Variants in DSE observed in about 807,000 individuals in gnomAD.
DSE encodes the protein dermatan sulfate epimerase.
Under a neutral mutation model 84.4 loss-of-function variants are expected in DSE, and 36 were observed. The observed-to-expected ratio is 0.43, with a 90% CI of 0.33 to 0.56. The LOEUF is 0.56. Among genes scored for constraint, DSE ranks in the 20% least tolerant of loss-of-function variants. The pLI is 0.06. For missense variants in DSE, 862 were observed against 1,169.6 expected (o/e 0.74, Z 3.84); for synonymous variants, 410 against 430.1 (o/e 0.95, Z 0.58).
chr6:116,275,289 GCT>G (rs1236859297), intron 2 of DSE, among the ~76,000 whole-genome samples: 1 of 152,182 alleles, frequency 6.6e-6, no homozygotes, highest in African/African-American at 2.4e-5. Flanking sequence ...ATTAAGTAGT[GCT>G]CTGTTAAAAT....
chr6:116,410,733 C>CAAAAAAAAAAAAAAAAAAAACAAA (rs1782285778), intron 2 of DSE, among the ~76,000 whole-genome samples: 1 of 79,616 alleles, frequency 1.3e-5, no homozygotes. Context: ...GACTCTGTCT[C>CAAAAAAAAAAAAAAAAAAAACAAA]AAAAAAAAAA....
chr6:116,277,908 C>CAAAAA lies in DSE; in HGVS notation c.-54+18963_-54+18967dup, dbSNP rs57691187. 109 of 57,350 alleles carry CAAAAA rather than the reference C, an allele frequency of 1.9e-3. 1 individual carries two copies. The highest frequency in any genetic ancestry group is 5.6e-3 in the African/African-American group (100 of 17,766). 3.6% of individuals were successfully genotyped at this position (57,350 alleles called of 1,614,324 possible). A position where few individuals can be genotyped will look rare whatever the true frequency, so the allele number is the denominator to read the frequency against. Reference sequence around the variant, plus strand: ...CAGAGCAAGACTCCGTCCTCCGTCTCAAAAAAAAAAAAAAAAAAAAAAAAA... The same window carrying CAAAAA: ...CAGAGCAAGACTCCGTCCTCCGTCTCAAAAAAAAAAAAAAAAAAAAAAAAAAAAAA... On this transcript the variant is annotated intron_variant, in intron 2 of 3. Transcript: ENST00000430252.
chr6:116,274,765 C>A (rs1773047347), intron 2 of DSE, among the ~76,000 whole-genome samples: 1 of 152,136 alleles, frequency 6.6e-6, no homozygotes, highest in African/African-American at 2.4e-5. Flanking sequence ...AAGAACAGTT[C>A]ATTAAAGAAA....
chr6:116,375,509 C>G, intron 1 of DSE: 1 of 984,738 alleles, frequency 1.0e-6, no homozygotes, highest in South Asian at 4.7e-5. Flanking sequence ...GCCTCAAAGT[C>G]TTTTTTATGT....
intron 2 of DSE, among the ~76,000 whole-genome samples, chr6:116,313,299 C>T (rs73767736): frequency 0.046 from 6,934 of 152,230 alleles, 270 homozygotes; most frequent in African/African-American, 0.1. Context: ...AACTGTGAGA[C>T]AATAAATTCC....
intron 2 of DSE, among the ~76,000 whole-genome samples, chr6:116,322,287 T>A (rs1776376021): frequency 6.6e-6 from 1 of 152,212 alleles, no homozygotes; most frequent in Non-Finnish European, 1.5e-5. Flanking sequence ...GGCGCCGGGC[T>A]GTCTGCTTGT....
At chr6:116,376,521 C>T (rs1401503384) in intron 1 of DSE, among the ~76,000 whole-genome samples, 1 of 152,158 alleles carries the variant, frequency 6.6e-6, no homozygotes, top group African/African-American at 2.4e-5. Flanking sequence ...CTGTTTATTT[C>T]TTGAATGGAG....
At chr6:116,375,585 T>A in intron 1 of DSE, 2 of 981,524 alleles carry the variant, frequency 2.0e-6, no homozygotes, top group Non-Finnish European at 2.4e-6. Context: ...CTTCTAGTTA[T>A]GTATAGAAGA....
chr6:116,274,681 A>T (rs1337350287), intron 2 of DSE, among the ~76,000 whole-genome samples: 2 of 152,232 alleles, frequency 1.3e-5, no homozygotes, highest in Non-Finnish European at 2.9e-5. Context: ...TTTGGCATCA[A>T]AATCTACCCT....
chr6:116,302,409 T>C (rs1018894844), intron 2 of DSE, among the ~76,000 whole-genome samples: 4 of 152,248 alleles, frequency 2.6e-5, no homozygotes, highest in African/African-American at 9.6e-5. Flanking sequence ...TTTTTTCATA[T>C]GTTTGTTGGC....
intron 1 of DSE, among the ~76,000 whole-genome samples, chr6:116,394,520 C>T (rs1477904168): frequency 3.9e-5 from 6 of 151,914 alleles, no homozygotes; most frequent in African/African-American, 7.3e-5. Context: ...ACTGCAGCGT[C>T]GAACTCCTGA....
intron 1 of DSE, among the ~76,000 whole-genome samples, chr6:116,386,742 CTTTA>C (rs1780599448): frequency 6.6e-6 from 1 of 152,184 alleles, no homozygotes; most frequent in Non-Finnish European, 1.5e-5. Context: ...ATAAAAACCT[CTTTA>C]TCAGGCAGAA....
chr6:116,435,864 C>T lies in DSE; in HGVS notation c.1396C>T (p.Pro466Ser). Residue 466 changes from proline (P) to serine (S), a missense_variant, in exon 6 of 6, where the codon CCT becomes TCT. Pro to Ser is a moderately conservative substitution (Grantham distance 74). Transcript: ENST00000644252. ...ATTTACTTTTGCTCCCAATGGTGTGCCTTTCATTACTGAGGCTCTGTACGG... is the reference window on the plus strand; with the variant it reads ...ATTTACTTTTGCTCCCAATGGTGTGTCTTTCATTACTGAGGCTCTGTACGG... Reference protein sequence around the residue: ...NSFTFAPNGVPFITEALYGPK... With the variant: ...NSFTFAPNGVSFITEALYGPK... 1 of 1,614,126 alleles carries T rather than the reference C, an allele frequency of 6.2e-7. No individual in the cohort carries two copies. The highest frequency in any genetic ancestry group is 1.1e-5 in the South Asian group (1 of 91,088).
Position 116,439,023 on chromosome 6 carries a change from G to T in DSE, c.*1678G>T, listed in dbSNP as rs1248818837. 6.6e-6 allele frequency: 1 copy of T among 152,080 alleles called. No individual in the cohort carries two copies. 9.4% of individuals were successfully genotyped at this position (152,080 alleles called of 1,614,324 possible). A position where few individuals can be genotyped will look rare whatever the true frequency, so the allele number is the denominator to read the frequency against. ...AGAATAATGTTTTCAAAAGAATAATGCTTCCGTTTGTCCTGCATGGATGCT... is the reference window on the plus strand; with the variant it reads ...AGAATAATGTTTTCAAAAGAATAATTCTTCCGTTTGTCCTGCATGGATGCT... On this transcript the variant is annotated 3_prime_UTR_variant, in exon 6 of 6. Transcript: ENST00000644252.
intron 2 of DSE, among the ~76,000 whole-genome samples, chr6:116,283,790 C>T (rs1221112130): frequency 2.0e-5 from 3 of 152,108 alleles, no homozygotes; most frequent in Non-Finnish European, 2.9e-5. Context: ...GTGATCCGCC[C>T]GCCTCAGCCT....
chr6:116,297,168 C>T (rs368118115), intron 2 of DSE, among the ~76,000 whole-genome samples: 6 of 152,126 alleles, frequency 3.9e-5, no homozygotes, highest in Admixed American at 3.9e-4. Flanking sequence ...ACTGCCAGGC[C>T]AGAATGCTAG....
intron 2 of DSE, among the ~76,000 whole-genome samples, chr6:116,401,587 T>C (rs571220626): frequency 8.5e-5 from 13 of 152,190 alleles, no homozygotes; most frequent in Non-Finnish European, 1.6e-4. Flanking sequence ...TATTATTAAG[T>C]TGTGTTGTTT....
intron 2 of DSE, among the ~76,000 whole-genome samples, chr6:116,293,630 G>T (rs1282347067): frequency 6.6e-6 from 1 of 152,148 alleles, no homozygotes; most frequent in African/African-American, 2.4e-5. Context: ...GGCCAGACAT[G>T]GTAGCTCACA....
rs138406483 is a variant in DSE at position 116,322,030 on chromosome 6, C to T, written c.-54+63063C>T. Reference sequence around the variant, plus strand: ...TCAGCAAGACTCCTGTCTCAAGAGCCGAGCTCCCCAAGTGAGCAATTCCTG... The same window carrying T: ...TCAGCAAGACTCCTGTCTCAAGAGCTGAGCTCCCCAAGTGAGCAATTCCTG... On this transcript the variant is annotated intron_variant, in intron 2 of 3. Coordinates refer to the DSE transcript ENST00000430252. Among the ~76,000 whole-genome samples the T allele has an allele frequency of 2.7e-3, 411 of 152,216 alleles. 3 individuals are homozygous for T. The highest frequency in any genetic ancestry group is 9.3e-3 in the African/African-American group (388 of 41,528).
Sources: gnomAD v4.1 joint callset for allele counts (sites outside exome capture counted in the v4.1 genomes callset) on GRCh38, gnomAD v4.1.1 for gene constraint, MANE v1.5 for transcripts, NCBI Gene and HGNC (gene_info 2026-07-23, HGNC 2026-07-21) for gene names.